TEX101: variants seen among roughly 807,000 people sequenced by gnomAD.
TEX101 encodes testis expressed 101.
TEX101 carries 10 observed loss-of-function variants against 18.1 expected under a neutral mutation model. The observed-to-expected ratio is 0.55, with a 90% CI of 0.34 to 0.94. The LOEUF (loss-of-function observed/expected upper bound fraction) is 0.94. Among genes scored for constraint, TEX101 ranks in the 40% least tolerant of loss-of-function variants. The probability of loss-of-function intolerance (pLI) is 0.02; values close to 1 mark genes in which losing one functional copy is unlikely to be tolerated. For synonymous variants in TEX101, 94 were observed against 114.8 expected (o/e 0.82, Z 1.16); for missense variants, 259 against 298.9 (o/e 0.87, Z 0.98).
upstream of TEX101, among the ~76,000 whole-genome samples, chr19:43,399,665 T>G (rs375944101): frequency 2.7e-4 from 41 of 152,268 alleles, 1 homozygote; most frequent in South Asian, 1.7e-3. Context: ...ACTGATGACA[T>G]TTTAAAAGTA....
rs188643459 is a variant in TEX101 at position 43,408,305 on chromosome 19, G to T, written c.15+1786G>T. On this transcript the variant is annotated intron_variant, in intron 3 of 7. Coordinates refer to the TEX101 transcript ENST00000602198. ...TCGTTCTGCCCGGGCTCGACCAGGG[G>T]CTAGATCGGGGTTCGGGGAGCGAAC... 7.6e-4 allele frequency among the ~76,000 whole-genome samples: 106 copies of T among 139,934 alleles called. 2 individuals carry two copies. Among genetic ancestry groups the T allele is most frequent in the Admixed American group, 7.5e-3 (105 of 13,978 alleles). 91.8% of individuals were successfully genotyped at this position (139,934 alleles called of 152,430 possible).
rs34029449 is a variant in TEX101, at chr19:43,406,081, C to CAAAAAAAA, written c.-282-129_-282-122dup. On this transcript the variant is annotated intron_variant, in intron 2 of 7. Coordinates refer to the TEX101 transcript ENST00000602198. Reference sequence around the variant, plus strand: ...ACAACATAAGGAGACCCTGTCTCTACAAAAAAAAAAAAAAAAAAAAGCCAG... The same window carrying CAAAAAAAA: ...ACAACATAAGGAGACCCTGTCTCTACAAAAAAAAAAAAAAAAAAAAAAAAAAAAGCCAG... The CAAAAAAAA allele has an allele frequency of 7.8e-3, 457 of 58,836 alleles. 43 individuals carry two copies. Among genetic ancestry groups the CAAAAAAAA allele is most frequent in the African/African-American group, 0.011 (193 of 17,994 alleles). 3.6% of individuals were successfully genotyped at this position (58,836 alleles called of 1,614,324 possible). A position where few individuals can be genotyped will look rare whatever the true frequency, so the allele number is the denominator to read the frequency against.
intron 2 of TEX101, among the ~76,000 whole-genome samples, chr19:43,405,754 G>A (rs1970355532): frequency 2.6e-5 from 4 of 151,508 alleles, no homozygotes; most frequent in Admixed American, 6.6e-5. Flanking sequence ...GTGAAACCCC[G>A]TCTCTAGAAA....
upstream of TEX101, among the ~76,000 whole-genome samples, chr19:43,399,612 A>G (rs1257132334): frequency 1.3e-5 from 2 of 152,158 alleles, no homozygotes; most frequent in South Asian, 2.1e-4. Flanking sequence ...TTTCCTTCAT[A>G]TACTAGCTTT....
upstream of TEX101, among the ~76,000 whole-genome samples, chr19:43,414,573 C>A (rs776451923): frequency 9.2e-5 from 14 of 152,144 alleles, no homozygotes; most frequent in Non-Finnish European, 2.1e-4. Flanking sequence ...AAGGGTCTGA[C>A]CTCCTAGTGT....
At chr19:43,414,467 G>C (rs1599902652), upstream of TEX101, among the ~76,000 whole-genome samples, 1 of 152,218 alleles carries the variant, frequency 6.6e-6, no homozygotes, top group African/African-American at 2.4e-5. Flanking sequence ...CTGACTCCCA[G>C]AGGCTAGGGC....
intron 1 of TEX101, 104 bp downstream of exon 1, chr19:43,415,142 C>T: frequency 1.2e-6 from 1 of 845,278 alleles, no homozygotes; most frequent in Non-Finnish European, 1.4e-6. Flanking sequence ...GTGTGTCCCG[C>T]AGGAAAAGGT....
At chr19:43,390,450 C>CTTTTTTTTTAT in the TEX101 span, among the ~76,000 whole-genome samples, 1 of 62,878 alleles carries the variant, frequency 1.6e-5, no homozygotes, top group Non-Finnish European at 3.1e-5. Context: ...CTTTTCTTTT[C>CTTTTTTTTTAT]TTTTTTTTTC....
chr19:43,394,974 C>T, the TEX101 span, among the ~76,000 whole-genome samples: 1 of 152,130 alleles, frequency 6.6e-6, no homozygotes, highest in Non-Finnish European at 1.5e-5. Context: ...TTTAAAAAGG[C>T]ACACAATTTT....
At chr19:43,407,806 T>C (rs901419507) in intron 3 of TEX101, among the ~76,000 whole-genome samples, 2 of 152,144 alleles carry the variant, frequency 1.3e-5, no homozygotes, top group African/African-American at 4.8e-5. Flanking sequence ...TGCAGCAGGG[T>C]TGAGGCCCCA....
intron 3 of TEX101, among the ~76,000 whole-genome samples, chr19:43,407,206 T>G (rs945340615): frequency 6.6e-6 from 1 of 152,158 alleles, no homozygotes; most frequent in African/African-American, 2.4e-5. Flanking sequence ...GAGCTGGGGC[T>G]GGGGCTGTGG....
At chr19:43,390,455 T>C in the TEX101 span, among the ~76,000 whole-genome samples, 2 of 128,674 alleles carry the variant, frequency 1.6e-5, no homozygotes, top group African/African-American at 5.9e-5. Context: ...CTTTTCTTTT[T>C]TTTTCTTTTT....
At chr19:43,400,039 T>C (rs1970306294), upstream of TEX101, among the ~76,000 whole-genome samples, 1 of 152,162 alleles carries the variant, frequency 6.6e-6, no homozygotes, top group African/African-American at 2.4e-5. Flanking sequence ...GGTCTCGAAC[T>C]CCTGACCTCA....
At chr19:43,403,157 T>C (rs1461438809) in intron 2 of TEX101, among the ~76,000 whole-genome samples, 2 of 152,210 alleles carry the variant, frequency 1.3e-5, no homozygotes, top group Non-Finnish European at 2.9e-5. Context: ...AGAATCAACA[T>C]TGATCTGGTG....
chr19:43,395,909 G>C, the TEX101 span, among the ~76,000 whole-genome samples: 6 of 152,224 alleles, frequency 3.9e-5, no homozygotes, highest in African/African-American at 1.4e-4. Context: ...TCCTCCTTCA[G>C]CTTCTCCACC....
the TEX101 span, among the ~76,000 whole-genome samples, chr19:43,391,844 AGTCAGCAGGTGAGTGCATTG>A: frequency 6.6e-6 from 1 of 152,250 alleles, no homozygotes; most frequent in African/African-American, 2.4e-5. Flanking sequence ...TACACTGGTT[AGTCAGCAGGTGAGTGCATTG>A]GTGAGAGGAT....
chr19:43,410,939 C>T (rs1568457291), upstream of TEX101, among the ~76,000 whole-genome samples: 2 of 152,122 alleles, frequency 1.3e-5, no homozygotes, highest in South Asian at 2.1e-4. Flanking sequence ...GGCGTTATCT[C>T]GGCTCACTGC....
chr19:43,408,706 C>T (rs980936108), intron 3 of TEX101, among the ~76,000 whole-genome samples: 3 of 151,492 alleles, frequency 2.0e-5, no homozygotes, highest in South Asian at 2.1e-4. Context: ...GAGGTCACTC[C>T]AGCCCTGGAT....
the TEX101 span, among the ~76,000 whole-genome samples, chr19:43,390,448 T>C: frequency 8.0e-6 from 1 of 124,770 alleles, no homozygotes; most frequent in Non-Finnish European, 1.6e-5. Context: ...CTCTTTTCTT[T>C]TCTTTTTTTT....
Sources: gnomAD v4.1 joint callset for allele counts (sites outside exome capture counted in the v4.1 genomes callset) on GRCh38, gnomAD v4.1.1 for gene constraint, MANE v1.5 for transcripts, NCBI Gene and HGNC (gene_info 2026-07-23, HGNC 2026-07-21) for gene names.